PCDHA4: variants seen among roughly 807,000 people sequenced by gnomAD.
PCDHA4 encodes protocadherin alpha-4.
PCDHA4 carries 49 observed loss-of-function variants against 61.4 expected under a neutral mutation model. The observed-to-expected ratio is 0.80, with a 90% CI of 0.63 to 1.01. The LOEUF (loss-of-function observed/expected upper bound fraction) is 1.01. PCDHA4 is among the 50% of genes least tolerant of loss of function. The pLI is 0.00. For missense variants in PCDHA4, 1,254 were observed against 1,235.8 expected (o/e 1.01, Z -0.22); for synonymous variants, 590 against 550.3 (o/e 1.07, Z -1.01).
intron 1 of PCDHA4, chr5:140,851,142 C>T: frequency 7.6e-7 from 1 of 1,309,246 alleles, no homozygotes; most frequent in Non-Finnish European, 9.9e-7. Flanking sequence ...ATTAAAGTGA[C>T]ATTGAATTTC....
At chr5:140,846,140 T>C (rs1780219346) in intron 1 of PCDHA4, among the ~76,000 whole-genome samples, 1 of 149,740 alleles carries the variant, frequency 6.7e-6, no homozygotes, top group Non-Finnish European at 1.5e-5. Context: ...GTTTCCCATA[T>C]TTAAAAGTTG....
chr5:140,982,706 T>C, intron 3 of PCDHA4, 143 bp downstream of exon 3: 1 of 1,375,170 alleles, frequency 7.3e-7, no homozygotes, highest in Admixed American at 2.9e-5. Flanking sequence ...ATGATTTCCT[T>C]ACATATATGA....
chr5:140,849,396 G>A (rs1554142933), intron 1 of PCDHA4: 1 of 1,544,756 alleles, frequency 6.5e-7, no homozygotes, highest in Non-Finnish European at 8.8e-7. Context: ...CTTAAGTGGG[G>A]CAATCACAGT....
chr5:140,829,838 C>G, intron 1 of PCDHA4: 2 of 1,613,924 alleles, frequency 1.2e-6, no homozygotes, highest in Non-Finnish European at 8.5e-7. Context: ...GCTGGTGCCG[C>G]GGTCACTGGG....
At position 140,897,557 on chromosome 5, in the gene PCDHA4, A is replaced by G. The variant is rs2066188249; in HGVS notation, c.2386-81392A>G. Reference sequence around the variant, plus strand: ...GGCTGCATAGTCTTCCATGGTGTATATGTGCCACATTTTCTTAATCCAGTC... The same window carrying G: ...GGCTGCATAGTCTTCCATGGTGTATGTGTGCCACATTTTCTTAATCCAGTC... On this transcript the variant is annotated intron_variant, in intron 1 of 3. Coordinates refer to ENST00000530339, the MANE Select transcript of PCDHA4 (RefSeq NM_018907.4). Among the ~76,000 whole-genome samples, 4 of 151,994 alleles carry G rather than the reference A, an allele frequency of 2.6e-5. No individual in the cohort carries two copies. The South Asian group carries it at 8.3e-4, about 32-fold the overall frequency.
At position 141,010,536 on chromosome 5, in the gene PCDHA4, T is replaced by A; in HGVS notation, c.*599T>A. On this transcript the variant is annotated 3_prime_UTR_variant, in exon 4 of 4. Transcript: ENST00000530339. ...AACTCAAGAGGTGGCAGCCACCCTC[T>A]AGGAGACAAAACTACCCCCACTGAC... 1 of 381,624 alleles carries A rather than the reference T, an allele frequency of 2.6e-6. No homozygotes were observed. The highest frequency in any genetic ancestry group is 4.6e-6 in the Non-Finnish European group (1 of 218,036). 23.6% of individuals were successfully genotyped at this position (381,624 alleles called of 1,614,324 possible).
chr5:140,846,663 C>T lies in PCDHA4; in HGVS notation c.2385+37091C>T, dbSNP rs182609194. ...TGCTGGGATTACAGGCATGAGCCAC[C>T]GCGCCCAGCCTAAAATGCTTTCTTA... On this transcript the variant is annotated intron_variant, in intron 1 of 3. Transcript: ENST00000530339. 1.7e-3 allele frequency among the ~76,000 whole-genome samples: 253 copies of T among 149,206 alleles called. 23 individuals carry two copies. Among genetic ancestry groups the T allele is most frequent in the Middle Eastern group, 3.5e-3 (1 of 286 alleles).
At chr5:141,008,440 A>T (rs545076432) in intron 3 of PCDHA4, among the ~76,000 whole-genome samples, 196 of 152,294 alleles carry the variant, frequency 1.3e-3, no homozygotes, top group South Asian at 8.7e-3. Flanking sequence ...GCCCAGACAG[A>T]CCATTACCCT....
At chr5:140,814,506 A>G (rs1428640879) in intron 1 of PCDHA4, 1 of 151,872 alleles carries the variant, frequency 6.6e-6, no homozygotes, top group African/African-American at 2.4e-5. Flanking sequence ...ACTGTAAAAT[A>G]CCACTAAAAA....
intron 1 of PCDHA4, chr5:140,842,743 C>G: frequency 6.3e-7 from 1 of 1,595,140 alleles, no homozygotes; most frequent in Non-Finnish European, 8.6e-7. Flanking sequence ...GCTGCCACAT[C>G]TTCACGGTGT....
At chr5:140,832,971 T>C (rs115888961) in intron 1 of PCDHA4, among the ~76,000 whole-genome samples, 2,340 of 152,296 alleles carry the variant, frequency 0.015, 65 homozygotes, top group African/African-American at 0.053. Flanking sequence ...ATTCCAAATG[T>C]ACCTAGAAAT....
intron 1 of PCDHA4, among the ~76,000 whole-genome samples, chr5:140,855,675 G>T (rs1554147907): frequency 6.7e-6 from 1 of 149,648 alleles, no homozygotes; most frequent in African/African-American, 2.5e-5. Context: ...TACTCTGAGA[G>T]TCTACATTTA....
intron 3 of PCDHA4, among the ~76,000 whole-genome samples, chr5:141,000,775 C>G (rs919489031): frequency 5.3e-5 from 8 of 151,752 alleles, no homozygotes; most frequent in African/African-American, 1.9e-4. Context: ...GGCATAGTGG[C>G]GCACACCTGT....
At chr5:140,844,546 A>G (rs1268882110) in intron 1 of PCDHA4, among the ~76,000 whole-genome samples, 2 of 149,518 alleles carry the variant, frequency 1.3e-5, no homozygotes, top group Non-Finnish European at 3.0e-5. Context: ...CCCTTTGTTC[A>G]TGAGTTGGAA....
intron 1 of PCDHA4, among the ~76,000 whole-genome samples, chr5:140,839,735 C>G (rs2093051778): frequency 6.6e-6 from 1 of 151,912 alleles, no homozygotes; most frequent in Admixed American, 6.6e-5. Context: ...ACAGAAAATA[C>G]CCTTATTTGC....
At chr5:140,915,690 T>G (rs1330039439) in intron 1 of PCDHA4, among the ~76,000 whole-genome samples, 1 of 151,558 alleles carries the variant, frequency 6.6e-6, no homozygotes, top group African/African-American at 2.4e-5. Context: ...AGGGGTATGG[T>G]GATGCAAGCA....
intron 3 of PCDHA4, among the ~76,000 whole-genome samples, chr5:140,994,912 A>G (rs2097655532): frequency 6.6e-6 from 1 of 152,222 alleles, no homozygotes; most frequent in Admixed American, 6.5e-5. Flanking sequence ...GTAGACTGGA[A>G]TCAGATTTTG....
chr5:140,967,980 A>G (rs1554230169), intron 1 of PCDHA4: 1 of 1,614,198 alleles, frequency 6.2e-7, no homozygotes, highest in African/African-American at 1.3e-5. Context: ...CTGGGTCTGG[A>G]GGCCACACTG....
In PCDHA4 at chr5:141,011,530, T is replaced by C. The variant is rs1427621980; in HGVS notation, c.*1593T>C. 7 of 153,810 alleles carry C rather than the reference T, an allele frequency of 4.6e-5. No individual in the cohort carries two copies. The highest frequency in any genetic ancestry group is 1.7e-4 in the African/African-American group (7 of 41,470). The allele number at this position is 153,810 out of a possible 1,614,324, so 9.5% of individuals were successfully genotyped here. Reference sequence around the variant, plus strand: ...TGGAGTAGTGTTTTTTTAACCATTGTTAATCAGCTTTTGTGTATGAAAGAC... The same window carrying C: ...TGGAGTAGTGTTTTTTTAACCATTGCTAATCAGCTTTTGTGTATGAAAGAC... On this transcript the variant is annotated 3_prime_UTR_variant, in exon 4 of 4. Transcript: ENST00000530339.
Sources: allele counts gnomAD v4.1 joint callset (sites outside exome capture counted in the v4.1 genomes callset), GRCh38; gene constraint gnomAD v4.1.1; transcripts MANE v1.5; gene names NCBI Gene and HGNC (gene_info 2026-07-23, HGNC 2026-07-21).